GRXCR2: variants seen among roughly 807,000 people sequenced by gnomAD.
GRXCR2 encodes the protein glutaredoxin and cysteine rich domain containing 2, also known as glutaredoxin domain-containing cysteine-rich protein 2.
GRXCR2 carries 23 observed loss-of-function variants against 24.8 expected under a neutral mutation model. That is an observed-to-expected ratio of 0.93 (90% CI 0.67 to 1.32). The LOEUF (loss-of-function observed/expected upper bound fraction) is 1.32, where lower values mean the gene tolerates loss of function less well. Ranked by LOEUF, GRXCR2 falls within the 40% of genes most tolerant of loss-of-function variation. The probability of loss-of-function intolerance (pLI) is 0.00; values close to 1 mark genes in which losing one functional copy is unlikely to be tolerated. For synonymous variants in GRXCR2, 130 were observed against 116.1 expected (o/e 1.12, Z -0.77); for missense variants, 315 against 303.4 (o/e 1.04, Z -0.28).
At chr5:145,868,619 AT>A (rs1756473440) in intron 1 of GRXCR2, among the ~76,000 whole-genome samples, 1 of 152,168 alleles carries the variant, frequency 6.6e-6, no homozygotes, top group Non-Finnish European at 1.5e-5. Flanking sequence ...ACTTCCAGTA[AT>A]AGCCAATGAG....
At chr5:145,868,200 T>C (rs1216818693) in intron 1 of GRXCR2, among the ~76,000 whole-genome samples, 1 of 152,160 alleles carries the variant, frequency 6.6e-6, no homozygotes, top group Non-Finnish European at 1.5e-5. Flanking sequence ...TTGCCATTGT[T>C]ATTATTTAAA....
chr5:145,930,126 C>G (rs913359455), intron 2 of GRXCR2, among the ~76,000 whole-genome samples: 1 of 151,672 alleles, frequency 6.6e-6, no homozygotes, highest in Admixed American at 6.6e-5. Flanking sequence ...GCTTTGTCAC[C>G]CAGGCTGGAG....
chr5:145,896,237 C>T (rs966320771), intron 2 of GRXCR2, among the ~76,000 whole-genome samples: 4 of 152,156 alleles, frequency 2.6e-5, no homozygotes, highest in Non-Finnish European at 5.9e-5. Context: ...GACTTCATGT[C>T]TAAAACACCA....
upstream of GRXCR2, among the ~76,000 whole-genome samples, chr5:145,877,297 T>C (rs1290263413): frequency 2.0e-4 from 31 of 151,458 alleles, no homozygotes; most frequent in Non-Finnish European, 8.8e-5. Flanking sequence ...GAGACACTTG[T>C]CCTTAGTAGA....
chr5:145,876,179 A>ATGTG (rs200140784), upstream of GRXCR2, among the ~76,000 whole-genome samples: 819 of 113,234 alleles, frequency 7.2e-3, 10 homozygotes, highest in South Asian at 0.025. Flanking sequence ...AAAAAATTGT[A>ATGTG]TGTGTGTGTG....
At chr5:145,868,909 G>A (rs897244799) in intron 1 of GRXCR2, among the ~76,000 whole-genome samples, 3 of 152,218 alleles carry the variant, frequency 2.0e-5, no homozygotes, top group Admixed American at 6.5e-5. Context: ...TTCACGTTAC[G>A]TGGTTACATC....
chr5:145,880,111 C>A (rs1435787066), intron 2 of GRXCR2, among the ~76,000 whole-genome samples: 1 of 152,064 alleles, frequency 6.6e-6, no homozygotes, highest in Non-Finnish European at 1.5e-5. Context: ...AAAATCAACA[C>A]CCTAACATCA....
chr5:145,875,369 T>G (rs1370587582), upstream of GRXCR2, among the ~76,000 whole-genome samples: 1 of 152,064 alleles, frequency 6.6e-6, no homozygotes, highest in Non-Finnish European at 1.5e-5. Context: ...GCCAACATAG[T>G]GAAACCTCAT....
At position 145,866,795 on chromosome 5, in the gene GRXCR2, G is replaced by A. The variant is rs566124751; in HGVS notation, c.337-67C>T. 6.3e-5 allele frequency: 61 copies of A among 975,304 alleles called. No homozygotes were observed. In the East Asian group the frequency reaches 1.4e-3, roughly 23 times the overall value. The allele number at this position is 975,304 out of a possible 1,614,324, so 60.4% of individuals were successfully genotyped here. On this transcript the variant is annotated intron_variant, in intron 1 of 2. Coordinates refer to ENST00000377976, the MANE Select transcript of GRXCR2 (RefSeq NM_001080516.2). The stretch of plus-strand genomic sequence containing the variant: ...CACCAAGTAGAGGGCTGCAGAACCT[G>A]TCCAACATACCAGGAAACAGCAGAG...
intron 2 of GRXCR2, among the ~76,000 whole-genome samples, chr5:145,889,736 C>T (rs1030424922): frequency 1.3e-5 from 2 of 152,074 alleles, no homozygotes; most frequent in Non-Finnish European, 2.9e-5. Context: ...AATGGAAACT[C>T]GGAAATGACA....
intron 2 of GRXCR2, among the ~76,000 whole-genome samples, chr5:145,915,021 C>A (rs955277956): frequency 3.3e-5 from 5 of 152,214 alleles, no homozygotes; most frequent in Non-Finnish European, 7.3e-5. Context: ...CTCTTCCAGG[C>A]ATCCTCAAGT....
chr5:145,858,139 C>T (rs1756268309), downstream of GRXCR2, among the ~76,000 whole-genome samples: 1 of 152,082 alleles, frequency 6.6e-6, no homozygotes, highest in Non-Finnish European at 1.5e-5. Flanking sequence ...CATGACGAAA[C>T]CCCGTCTCTA....
chr5:145,867,399 C>G (rs1756455844), intron 1 of GRXCR2, among the ~76,000 whole-genome samples: 1 of 152,060 alleles, frequency 6.6e-6, no homozygotes, highest in South Asian at 2.1e-4. Flanking sequence ...AAAGTATTTC[C>G]CCCCCAAAAA....
intron 2 of GRXCR2, among the ~76,000 whole-genome samples, chr5:145,904,624 C>G (rs1240022002): frequency 6.6e-6 from 1 of 152,160 alleles, no homozygotes; most frequent in Non-Finnish European, 1.5e-5. Flanking sequence ...CCAGAAGACC[C>G]CACAGTCACA....
At chr5:145,891,891 G>A (rs1363650422) in intron 2 of GRXCR2, among the ~76,000 whole-genome samples, 1 of 152,172 alleles carries the variant, frequency 6.6e-6, no homozygotes, top group African/African-American at 2.4e-5. Context: ...CCCAGTAGGG[G>A]CAGATTGACA....
At chr5:145,871,985 T>C (rs1412689150) in intron 1 of GRXCR2, among the ~76,000 whole-genome samples, 1 of 152,238 alleles carries the variant, frequency 6.6e-6, no homozygotes, top group Non-Finnish European at 1.5e-5. Context: ...TGATTATCCA[T>C]GGTACTGGGA....
chr5:145,876,203 A>G (rs1247882172), upstream of GRXCR2, among the ~76,000 whole-genome samples: 1 of 141,284 alleles, frequency 7.1e-6, no homozygotes, highest in African/African-American at 2.6e-5. Context: ...ATATATATAT[A>G]TATATATATA....
intron 2 of GRXCR2, among the ~76,000 whole-genome samples, chr5:145,931,253 A>G (rs943141758): frequency 2.6e-5 from 4 of 152,168 alleles, no homozygotes; most frequent in African/African-American, 7.2e-5. Flanking sequence ...GCTGGTCTTG[A>G]ACCCCTGAAC....
chr5:145,895,800 C>A (rs1479017082), intron 2 of GRXCR2, among the ~76,000 whole-genome samples: 1 of 152,088 alleles, frequency 6.6e-6, no homozygotes, highest in Non-Finnish European at 1.5e-5. Context: ...TCGTATGGAA[C>A]CAAAAAAGAG....
Sources: gnomAD v4.1 joint callset for allele counts (sites outside exome capture counted in the v4.1 genomes callset) on GRCh38, gnomAD v4.1.1 for gene constraint, MANE v1.5 for transcripts, NCBI Gene and HGNC (gene_info 2026-07-23, HGNC 2026-07-21) for gene names.